Variants in DDX10 observed in about 807,000 individuals in gnomAD.
DDX10 encodes probable ATP-dependent RNA helicase DDX10.
A neutral mutation model predicts 104.3 loss-of-function variants in DDX10; 74 were observed. The ratio of observed to expected loss-of-function variants is 0.71; its 90% CI spans 0.59 to 0.86. The LOEUF is 0.86. Among genes scored for constraint, DDX10 ranks in the 40% least tolerant of loss-of-function variants. DDX10 has a pLI of 0.00. For synonymous variants in DDX10, 351 were observed against 353.4 expected (o/e 0.99, Z 0.08); for missense variants, 952 against 1,040.0 (o/e 0.92, Z 1.16).
intron 13 of DDX10, among the ~76,000 whole-genome samples, chr11:108,741,684 TC>T (rs748721521): frequency 6.6e-6 from 1 of 152,190 alleles, no homozygotes; most frequent in Non-Finnish European, 1.5e-5. Context: ...GTTTATCAGA[TC>T]AAGGAGCTTT....
chr11:108,745,162 T>C (rs2094330176), intron 13 of DDX10, among the ~76,000 whole-genome samples: 1 of 94,186 alleles, frequency 1.1e-5, no homozygotes, highest in Non-Finnish European at 2.2e-5. Flanking sequence ...CTCCCCTTTC[T>C]TCCCTTCCTC....
At chr11:108,873,967 C>G (rs1350512884) in intron 16 of DDX10, among the ~76,000 whole-genome samples, 1 of 152,166 alleles carries the variant, frequency 6.6e-6, no homozygotes, top group African/African-American at 2.4e-5. Flanking sequence ...GAGTCTATTT[C>G]TGTTAGGTGT....
intron 17 of DDX10, among the ~76,000 whole-genome samples, chr11:108,922,910 A>C (rs1863853546): frequency 6.6e-6 from 1 of 152,242 alleles, no homozygotes; most frequent in East Asian, 1.9e-4. Context: ...GTACAGAAGT[A>C]GTTGGGGCCA....
chr11:108,866,511 C>T (rs1348175030), intron 16 of DDX10, among the ~76,000 whole-genome samples: 3 of 151,992 alleles, frequency 2.0e-5, no homozygotes, highest in Non-Finnish European at 4.4e-5. Context: ...GCATTTTATT[C>T]AAGAAGTATA....
intron 7 of DDX10, chr11:108,690,822 G>T: frequency 4.9e-6 from 1 of 203,306 alleles, no homozygotes; most frequent in South Asian, 8.3e-5. Flanking sequence ...ACAGCTTTGT[G>T]ACTGGCATCC....
Position 108,940,301 on chromosome 11 carries a change from G to A in DDX10, c.2506G>A (p.Val836Met), listed in dbSNP as rs377151111. ...KKRSNSEVED[V>M]GPTSHNRKKA... Reference sequence around the variant, plus strand: ...GAGGAGCAACAGTGAAGTGGAAGACGTGGGACCAACAAGTCATAACAGAAA... The same window carrying A: ...GAGGAGCAACAGTGAAGTGGAAGACATGGGACCAACAAGTCATAACAGAAA... Residue 836 changes from valine to methionine, a missense_variant, in exon 18 of 18, where the codon GTG becomes ATG. Val to Met is a conservative substitution (Grantham distance 21). Coordinates refer to ENST00000322536, the MANE Select transcript of DDX10 (RefSeq NM_004398.4). 304 of 1,614,038 alleles carry A rather than the reference G, an allele frequency of 1.9e-4. 2 individuals carry two copies. The highest frequency in any genetic ancestry group is 2.3e-4 in the Admixed American group (14 of 60,020).
chr11:108,939,579 TG>T (rs1174457163), intron 17 of DDX10, among the ~76,000 whole-genome samples: 2 of 152,252 alleles, frequency 1.3e-5, no homozygotes, highest in East Asian at 3.8e-4. Context: ...GAGAATGTTT[TG>T]CTTTTTCTTC....
At chr11:108,901,954 A>G (rs1314040911) in intron 16 of DDX10, among the ~76,000 whole-genome samples, 1 of 152,240 alleles carries the variant, frequency 6.6e-6, no homozygotes, top group African/African-American at 2.4e-5. Context: ...TTAAGCAGCC[A>G]GTAGAACTTG....
Position 108,672,543 on chromosome 11 carries a change from G to A in DDX10, c.187-924G>A, listed in dbSNP as rs148394048. ...TAATATTTGTATTTTCAGCATTGGA[G>A]GGCACAGAGTAAACACTGCCTGGGC... On this transcript the variant is annotated intron_variant, in intron 1 of 17. Coordinates refer to ENST00000322536, the MANE Select transcript of DDX10 (RefSeq NM_004398.4). Among the ~76,000 whole-genome samples the A allele has an allele frequency of 1.5e-3, 234 of 152,354 alleles. 1 individual carries two copies. Among genetic ancestry groups the A allele is most frequent in the Middle Eastern group, 3.4e-3 (1 of 294 alleles).
chr11:108,866,014 T>C (rs1863004102), intron 16 of DDX10, among the ~76,000 whole-genome samples: 1 of 152,212 alleles, frequency 6.6e-6, no homozygotes, highest in African/African-American at 2.4e-5. Flanking sequence ...TTAAGTAATG[T>C]ATTTTAAGTG....
intron 16 of DDX10, among the ~76,000 whole-genome samples, chr11:108,904,203 T>C (rs1187610698): frequency 6.6e-6 from 1 of 152,076 alleles, no homozygotes; most frequent in Non-Finnish European, 1.5e-5. Context: ...CAGAGCAGGG[T>C]GGTTTCAACA....
intron 6 of DDX10, among the ~76,000 whole-genome samples, chr11:108,680,224 CT>C (rs1373123758): frequency 6.6e-6 from 1 of 152,080 alleles, no homozygotes; most frequent in Non-Finnish European, 1.5e-5. Flanking sequence ...TTATTTATCT[CT>C]TTTTTTCGAG....
intron 13 of DDX10, among the ~76,000 whole-genome samples, chr11:108,728,504 CTTTTTTTTTT>C (rs71050884): frequency 9.0e-5 from 11 of 121,780 alleles, no homozygotes; most frequent in African/African-American, 2.9e-4. Context: ...CACATTTGTT[CTTTTTTTTTT>C]TTTTTTTTTT....
chr11:108,690,531 A>G (rs750327717), intron 7 of DDX10: 12 of 157,172 alleles, frequency 7.6e-5, no homozygotes, highest in South Asian at 1.6e-4. Context: ...CACAAGGACA[A>G]TGGAGAGCTT....
rs1452035394 is a variant in DDX10 at position 108,771,501 on chromosome 11, C to T, written c.1965+48039C>T. Among the ~76,000 whole-genome samples the T allele has an allele frequency of 1.4e-4, 21 of 152,132 alleles. 1 individual carries two copies. Among genetic ancestry groups the T allele is most frequent in the Admixed American group, 7.2e-4 (11 of 15,268 alleles). On this transcript the variant is annotated intron_variant, in intron 13 of 17. Coordinates refer to ENST00000322536, the MANE Select transcript of DDX10 (RefSeq NM_004398.4). ...CTGGGACTACAGGCGCCTGCCACCA[C>T]GTCCAGCTAATTTTTTTGTATCTTT...
At chr11:108,887,604 A>G (rs1394972212) in intron 16 of DDX10, among the ~76,000 whole-genome samples, 1 of 151,614 alleles carries the variant, frequency 6.6e-6, no homozygotes, top group East Asian at 1.9e-4. Flanking sequence ...AACAAACCAG[A>G]AACACCACTG....
At chr11:108,834,651 A>G (rs1591830694) in intron 13 of DDX10, among the ~76,000 whole-genome samples, 2 of 152,090 alleles carry the variant, frequency 1.3e-5, no homozygotes, top group Non-Finnish European at 2.9e-5. Context: ...ATACTGTCTG[A>G]TCAGCATTGC....
intron 2 of DDX10, 37 bp downstream of exon 2, chr11:108,673,564 T>G: frequency 1.4e-6 from 2 of 1,472,146 alleles, no homozygotes; most frequent in East Asian, 4.6e-5. Flanking sequence ...GTTATTGGAT[T>G]TCTTGGCATT....
intron 13 of DDX10, among the ~76,000 whole-genome samples, chr11:108,764,022 G>A (rs1263670101): frequency 1.3e-5 from 2 of 152,088 alleles, no homozygotes; most frequent in Non-Finnish European, 2.9e-5. Context: ...GTAGAAATAG[G>A]CCATTTGTTT....
Sources: allele counts gnomAD v4.1 joint callset (sites outside exome capture counted in the v4.1 genomes callset), GRCh38; gene constraint gnomAD v4.1.1; transcripts MANE v1.5; gene names NCBI Gene and HGNC (gene_info 2026-07-23, HGNC 2026-07-21).